Variants in CCDC171 observed in about 807,000 individuals in gnomAD.
CCDC171 encodes coiled-coil domain containing 171.
CCDC171 carries 177 observed loss-of-function variants against 168.2 expected under a neutral mutation model. The observed-to-expected ratio is 1.05, with a 90% CI of 0.93 to 1.19. The LOEUF is 1.19. CCDC171 is among the 50% of genes most tolerant of loss of function. The probability of loss-of-function intolerance (pLI) is 0.00; values close to 1 mark genes in which losing one functional copy is unlikely to be tolerated. For missense variants in CCDC171, 1,991 were observed against 1,539.0 expected, an observed-to-expected ratio of 1.29 and a Z score of -4.91; for synonymous variants, 687 against 540.8, an observed-to-expected ratio of 1.27 and a Z score of -3.75.
intron 7 of CCDC171, among the ~76,000 whole-genome samples, chr9:15,653,871 C>G (rs1333485848): frequency 6.6e-6 from 1 of 151,708 alleles, no homozygotes; most frequent in Non-Finnish European, 1.5e-5. Context: ...CTCACCTCAG[C>G]TTCCCAAAGT....
intron 24 of CCDC171, among the ~76,000 whole-genome samples, chr9:15,908,626 C>T (rs1427815622): frequency 6.6e-6 from 1 of 152,084 alleles, no homozygotes; most frequent in Non-Finnish European, 1.5e-5. Flanking sequence ...GCACGTTGTG[C>T]ACCTGTACCC....
At chr9:15,624,164 CTT>C (rs1198109863) in intron 7 of CCDC171, among the ~76,000 whole-genome samples, 1 of 151,944 alleles carries the variant, frequency 6.6e-6, no homozygotes, top group Non-Finnish European at 1.5e-5. Flanking sequence ...AGGATTATAA[CTT>C]TTGGGAGGAA....
At chr9:15,602,160 T>G (rs2042905752) in intron 6 of CCDC171, among the ~76,000 whole-genome samples, 2 of 152,222 alleles carry the variant, frequency 1.3e-5, no homozygotes, top group Admixed American at 6.5e-5. Context: ...GTCCTTTTTT[T>G]AATTAACAAA....
intron 24 of CCDC171, among the ~76,000 whole-genome samples, chr9:15,877,255 A>G (rs1000503667): frequency 3.3e-5 from 5 of 152,104 alleles, no homozygotes; most frequent in African/African-American, 7.2e-5. Flanking sequence ...GAATACAGCA[A>G]TGGATGTAAA....
At chr9:15,723,496 G>C (rs952989042) in intron 12 of CCDC171, among the ~76,000 whole-genome samples, 185 bp from the exon 13 acceptor site, 2 of 152,132 alleles carry the variant, frequency 1.3e-5, no homozygotes, top group Non-Finnish European at 2.9e-5. Context: ...TGTGACAGAA[G>C]CTATATAGCA....
At position 15,874,516 on chromosome 9, in the gene CCDC171, GT is replaced by G; in HGVS notation, c.3469-9del. 4 of 1,581,226 alleles carry G rather than the reference GT, an allele frequency of 2.5e-6. No homozygotes were observed. The highest frequency in any genetic ancestry group is 1.8e-5 in the Admixed American group (1 of 55,978). The stretch of plus-strand genomic sequence containing the variant: ...CTGAAGGGGAATTACCATTGATGCT[GT>G]TTTTTTCCCTTTAGGTCAGAGATCA... On this transcript the variant is annotated splice_polypyrimidine_tract_variant and intron_variant, in intron 23 of 25. Coordinates refer to ENST00000380701, the MANE Select transcript of CCDC171 (RefSeq NM_173550.4).
At chr9:15,799,726 G>A (rs1341736) in intron 21 of CCDC171, among the ~76,000 whole-genome samples, 14 of 151,364 alleles carry the variant, frequency 9.2e-5, no homozygotes, top group African/African-American at 3.4e-4. Flanking sequence ...CTTTCTCTCT[G>A]TTTTTTTTGC....
intron 7 of CCDC171, among the ~76,000 whole-genome samples, chr9:15,651,820 A>G (rs912974996): frequency 1.3e-5 from 2 of 151,774 alleles, no homozygotes; most frequent in East Asian, 3.8e-4. Flanking sequence ...TTTAATTTCT[A>G]TGAAGTTGTT....
chr9:15,806,331 T>C lies in CCDC171; in HGVS notation c.3267+21637T>C, dbSNP rs150674582. Among the ~76,000 whole-genome samples, 71 of 152,180 alleles carry C rather than the reference T, an allele frequency of 4.7e-4. 1 individual carries two copies. The East Asian group carries it at 0.013, about 28-fold the overall frequency. On this transcript the variant is annotated intron_variant, in intron 21 of 25. Transcript: ENST00000380701. ...TTTATGTGGTTGCTTCGTAGTGGCA[T>C]TGGTCTGTGTACTTCAGTGTGTTTT... is the stretch of plus-strand genomic sequence containing the variant.
chr9:15,902,546 C>T (rs191661050), intron 24 of CCDC171, among the ~76,000 whole-genome samples: 1 of 151,868 alleles, frequency 6.6e-6, no homozygotes, highest in Non-Finnish European at 1.5e-5. Flanking sequence ...AAAGAAATAA[C>T]TGAGGTGGAG....
intron 21 of CCDC171, among the ~76,000 whole-genome samples, chr9:15,799,199 C>T (rs963152953): frequency 3.1e-5 from 4 of 130,408 alleles, no homozygotes; most frequent in African/African-American, 2.8e-5. Context: ...TATATAGACC[C>T]GTGTTTCCAT....
chr9:16,018,791 A>C (rs1163091003), intron 3 of CCDC171, among the ~76,000 whole-genome samples: 1 of 152,168 alleles, frequency 6.6e-6, no homozygotes, highest in Non-Finnish European at 1.5e-5. Context: ...TACCCAAGGG[A>C]GCTACAAAAG....
chr9:15,671,885 G>A (rs1240384159), intron 9 of CCDC171, among the ~76,000 whole-genome samples: 2 of 152,154 alleles, frequency 1.3e-5, no homozygotes, highest in African/African-American at 2.4e-5. Context: ...GGATCGCTGC[G>A]TCAAGTGGTA....
chr9:16,031,099 C>A, intron 6 of CCDC171, among the ~76,000 whole-genome samples: 1 of 152,060 alleles, frequency 6.6e-6, no homozygotes, highest in Non-Finnish European at 1.5e-5. Context: ...TGAATGTTGC[C>A]CACTTTCTCT....
intron 9 of CCDC171, among the ~76,000 whole-genome samples, chr9:15,678,315 C>A (rs906052269): frequency 9.2e-5 from 14 of 152,064 alleles, no homozygotes; most frequent in African/African-American, 3.1e-4. Context: ...TTTGGATTTT[C>A]CATGCCACCA....
Position 15,666,288 on chromosome 9 carries a change from G to C in CCDC171, c.1041G>C (p.Lys347Asn). The C allele has an allele frequency of 6.2e-7, 1 of 1,613,370 alleles. No homozygotes were observed. The highest frequency in any genetic ancestry group is 8.5e-7 in the Non-Finnish European group (1 of 1,179,548). Residue 347 changes from lysine to asparagine, a missense_variant, in exon 9 of 26, where the codon AAG (lysine) becomes AAC (asparagine). Lys to Asn is a moderately conservative substitution (Grantham distance 94). Coordinates refer to ENST00000380701, the MANE Select transcript of CCDC171 (RefSeq NM_173550.4). The stretch of plus-strand genomic sequence containing the variant: ...TTGAAAGTGCATATGAGCGAGAAAA[G>C]CATAATGCACAAGAGAGCTTTGCAA... ...KEVESAYERE[K>N]HNAQESFAKL...
chr9:15,642,383 A>ATATATATC (rs1564119193), intron 7 of CCDC171, among the ~76,000 whole-genome samples: 1 of 117,644 alleles, frequency 8.5e-6, no homozygotes, highest in African/African-American at 3.0e-5. Flanking sequence ...ATATATATAT[A>ATATATATC]TGCATTTTAA....
At chr9:15,887,717 A>G (rs1489279935) in intron 24 of CCDC171, 1 of 152,216 alleles carries the variant, frequency 6.6e-6, no homozygotes, top group Non-Finnish European at 1.5e-5. Flanking sequence ...GAAAAATTAA[A>G]TAAATTCTCA....
chr9:15,644,988 C>A lies in CCDC171; in HGVS notation c.823-12139C>A, dbSNP rs574862382. Among the ~76,000 whole-genome samples the A allele has an allele frequency of 3.9e-5, 6 of 152,350 alleles. No individual in the cohort carries two copies. The East Asian group carries it at 1.2e-3, about 29-fold the overall frequency. Reference sequence around the variant, plus strand: ...CCTGAGTAGCCTACCTGGGAGGCATCCCCTAGTAGGGGCAGACTGATGCCT... The same window carrying A: ...CCTGAGTAGCCTACCTGGGAGGCATACCCTAGTAGGGGCAGACTGATGCCT... On this transcript the variant is annotated intron_variant, in intron 7 of 25. Coordinates refer to ENST00000380701, the MANE Select transcript of CCDC171 (RefSeq NM_173550.4).
Sources: gnomAD v4.1 joint callset for allele counts (sites outside exome capture counted in the v4.1 genomes callset) on GRCh38, gnomAD v4.1.1 for gene constraint, MANE v1.5 for transcripts, NCBI Gene and HGNC (gene_info 2026-07-23, HGNC 2026-07-21) for gene names.